The following RLBP1 variants were observed in gnomAD, a reference collection of about 807,000 sequenced individuals.
RLBP1 encodes the protein retinaldehyde-binding protein 1.
In RLBP1, 26 loss-of-function variants were observed where a neutral mutation model predicts 36.2. The observed-to-expected ratio is 0.72, with a 90% CI of 0.53 to 1.00. The LOEUF is 1.00. RLBP1 is among the 50% of genes least tolerant of loss of function. The pLI, the probability that RLBP1 is intolerant of heterozygous loss-of-function variation, is 0.00. For missense variants in RLBP1, 410 were observed against 402.4 expected, an observed-to-expected ratio of 1.02 and a Z score of -0.16; for synonymous variants, 155 against 156.2, an observed-to-expected ratio of 0.99 and a Z score of 0.06.
At chr15:89,212,320 G>C (rs780623514) in intron 6 of RLBP1, among the ~76,000 whole-genome samples, 1 of 152,092 alleles carries the variant, frequency 6.6e-6, no homozygotes, top group Non-Finnish European at 1.5e-5. Flanking sequence ...GGTGGCTCAC[G>C]CCTATAATCC....
chr15:89,214,957 A>T lies in RLBP1; in HGVS notation c.525+103T>A. On this transcript the variant is annotated intron_variant, in intron 6 of 8. Transcript: ENST00000268125. The surrounding 1 kb of genome is among the most constrained non-coding windows in gnomAD (Gnocchi z 4.6). ...TGGCTGCCCACCTTTCCCCCTCTAC[A>T]GACCTTGCCTCCTGGAGAACCAGGA... is the stretch of plus-strand genomic sequence containing the variant. The T allele has an allele frequency of 1.6e-6, 2 of 1,261,958 alleles. No homozygotes were observed. The highest frequency in any genetic ancestry group is 3.4e-5 in the Admixed American group (2 of 58,790). 78.2% of individuals were successfully genotyped at this position (1,261,958 alleles called of 1,614,324 possible). A position where few individuals can be genotyped will look rare whatever the true frequency, so the allele number is the denominator to read the frequency against.
At position 89,210,858 on chromosome 15, in the gene RLBP1, G is replaced by A; in HGVS notation, c.685-49C>T. On this transcript the variant is annotated intron_variant, in intron 7 of 8. Coordinates refer to ENST00000268125, the MANE Select transcript of RLBP1 (RefSeq NM_000326.5). This position sits in a 1 kb window ranked among gnomAD's most constrained non-coding sequence, Gnocchi z 4.7. ...GTTCCCCATGGCCCCAGTGACCTCA[G>A]AGGCTCCCACTCATTCCCTGCTGCC... The A allele has an allele frequency of 7.7e-7, 1 of 1,293,728 alleles. No individual in the cohort carries two copies. The highest frequency in any genetic ancestry group is 1.1e-6 in the Non-Finnish European group (1 of 914,728). 80.1% of individuals were successfully genotyped at this position (1,293,728 alleles called of 1,614,324 possible).
rs2051565393 is a variant in RLBP1 at position 89,214,745 on chromosome 15, C to T, written c.525+315G>A. ...TCTCTCTGTTGCTCTCAGCATTTAG[C>T]ATGTGGCAGGGCAGCCCCCAGCTCA... On this transcript the variant is annotated intron_variant, in intron 6 of 8. Coordinates refer to ENST00000268125, the MANE Select transcript of RLBP1 (RefSeq NM_000326.5). The surrounding 1 kb of genome is among the most constrained non-coding windows in gnomAD (Gnocchi z 4.6). 1.3e-5 allele frequency among the ~76,000 whole-genome samples: 2 copies of T among 152,260 alleles called. No homozygotes were observed. The highest frequency in any genetic ancestry group is 4.8e-5 in the African/African-American group (2 of 41,470).
Position 89,210,312 on chromosome 15 carries a change from C to T in RLBP1, c.927G>A (p.Gln309=), listed in dbSNP as rs745834229. Reference sequence around the variant, plus strand: ...AGAAGGCTGTGTTCTCAGCTTGGGCCTGGGGGCCAAAGAGCTGCTCAGCAA... The same window carrying T: ...AGAAGGCTGTGTTCTCAGCTTGGGCTTGGGGGCCAAAGAGCTGCTCAGCAA... ...KAVAEQLFGP[Q]AQAENTAF The change falls in exon 9 of 9, where the codon CAG becomes CAA. Residue 309 remains glutamine (Q), a synonymous_variant. Coordinates refer to ENST00000268125, the MANE Select transcript of RLBP1 (RefSeq NM_000326.5). The surrounding 1 kb of genome is among the most constrained non-coding windows in gnomAD (Gnocchi z 4.7). 1 of 1,614,246 alleles carries T rather than the reference C, an allele frequency of 6.2e-7. No homozygotes were observed. The highest frequency in any genetic ancestry group is 1.1e-5 in the South Asian group (1 of 91,090).
intron 5 of RLBP1, 52 bp downstream of exon 5, chr15:89,217,068 T>C: frequency 6.3e-7 from 1 of 1,585,552 alleles, no homozygotes; most frequent in East Asian, 2.2e-5. Context: ...GCGGATAGCA[T>C]CCTCATGGCC....
chr15:89,213,540 C>T (rs1027529324), intron 6 of RLBP1, among the ~76,000 whole-genome samples: 3 of 151,992 alleles, frequency 2.0e-5, no homozygotes, highest in Non-Finnish European at 1.5e-5. Context: ...AAAATTAATA[C>T]CTAAGACAAA....
At position 89,218,963 on chromosome 15, in the gene RLBP1, C is replaced by A. The variant is rs1414341264; in HGVS notation, c.12+1G>T. On this transcript the variant is annotated splice_donor_variant, in intron 3 of 8. Transcript: ENST00000268125. LOFTEE classifies it high-confidence loss of function. This position sits in a 1 kb window ranked among gnomAD's most constrained non-coding sequence, Gnocchi z 4.6. ...AGAGCCCTGGAGGACAGGGTACTTACCCCTTCTGACATGTTGCCTATGGAA... is the reference window on the plus strand; with the variant it reads ...AGAGCCCTGGAGGACAGGGTACTTAACCCTTCTGACATGTTGCCTATGGAA... 1.2e-6 allele frequency: 2 copies of A among 1,614,026 alleles called. No individual in the cohort carries two copies. The highest frequency in any genetic ancestry group is 1.7e-6 in the Non-Finnish European group (2 of 1,179,950).
Position 89,210,406 on chromosome 15 carries a change from T to C in RLBP1, c.833A>G (p.Gln278Arg). 1.2e-6 allele frequency: 2 copies of C among 1,614,224 alleles called. No individual in the cohort carries two copies. The highest frequency in any genetic ancestry group is 1.3e-5 in the African/African-American group (1 of 75,052). ...GGGCAGGATGTTCTCATCGATCTCC[T>C]GGTAGAAACCAGAAAGGTCATCCCC... ...VHGDDLSGFY[Q>R]EIDENILPSD... is the part of the protein sequence containing the mutation. The change falls in exon 9 of 9, where the codon CAG (glutamine) becomes CGG (arginine). Residue 278 changes from glutamine to arginine, a missense_variant. Gln to Arg is a conservative substitution (Grantham distance 43, BLOSUM62 1). Coordinates refer to ENST00000268125, the MANE Select transcript of RLBP1 (RefSeq NM_000326.5). This position sits in a 1 kb window ranked among gnomAD's most constrained non-coding sequence, Gnocchi z 4.7.
Position 89,209,991 on chromosome 15 carries a change from G to A in RLBP1, c.*294C>T, listed in dbSNP as rs553893688. ...AAACTCTGTTACAAAGGAAATGACTGAGAAAATGAATTCGAGTCTTTGAAA... is the reference window on the plus strand; with the variant it reads ...AAACTCTGTTACAAAGGAAATGACTAAGAAAATGAATTCGAGTCTTTGAAA... On this transcript the variant is annotated 3_prime_UTR_variant, in exon 9 of 9. Coordinates refer to ENST00000268125, the MANE Select transcript of RLBP1 (RefSeq NM_000326.5). 1.3e-5 allele frequency: 6 copies of A among 461,122 alleles called. No individual in the cohort carries two copies. The highest frequency in any genetic ancestry group is 2.4e-5 in the Non-Finnish European group (6 of 251,752). 28.6% of individuals were successfully genotyped at this position (461,122 alleles called of 1,614,324 possible).
intron 2 of RLBP1, 51 bp from the exon 3 acceptor site, chr15:89,219,126 C>G (rs1416278428): frequency 1.1e-6 from 1 of 896,978 alleles, no homozygotes; most frequent in Non-Finnish European, 1.8e-6. Context: ...CTGTGGATCT[C>G]AAACTTTCAA....
Position 89,215,151 on chromosome 15 carries a change from G to C in RLBP1, c.434C>G (p.Pro145Arg). 6.2e-7 allele frequency: 1 copy of C among 1,614,154 alleles called. No individual in the cohort carries two copies. The highest frequency in any genetic ancestry group is 1.3e-5 in the African/African-American group (1 of 75,062). ...CTTGTCCCGACTAGAGAGGACACCA[G>C]GGTAGCCAGCTTCAATGGTGCAGCG... Reference protein sequence around the residue: ...AVRCTIEAGYPGVLSSRDKYG... With the variant: ...AVRCTIEAGYRGVLSSRDKYG... Residue 145 changes from proline (P) to arginine (R), a missense_variant, in exon 6 of 9, where the codon CCT (proline) becomes CGT (arginine). Transcript: ENST00000268125.
At position 89,218,494 on chromosome 15, in the gene RLBP1, A is replaced by C; in HGVS notation, c.141+71T>G. The C allele has an allele frequency of 2.5e-6, 4 of 1,603,978 alleles. No individual in the cohort carries two copies. The highest frequency in any genetic ancestry group is 1.3e-5 in the African/African-American group (1 of 74,864). The stretch of plus-strand genomic sequence containing the variant: ...CGAGGCTGGACCCTTTTCACAGGAG[A>C]GAGAATGCAGTCATGTTCCCCTCAT... On this transcript the variant is annotated intron_variant, in intron 4 of 8. Coordinates refer to ENST00000268125, the MANE Select transcript of RLBP1 (RefSeq NM_000326.5). The surrounding 1 kb of genome is among the most constrained non-coding windows in gnomAD (Gnocchi z 4.6).
chr15:89,217,462 C>T lies in RLBP1; in HGVS notation c.142-138G>A, dbSNP rs2051591970. On this transcript the variant is annotated intron_variant, in intron 4 of 8. Coordinates refer to ENST00000268125, the MANE Select transcript of RLBP1 (RefSeq NM_000326.5). ...TGCAGCCGCAGCTTTGCTTTTCTGCCCCAGGGGCAGCATCTGCACTGGCAA... is the reference window on the plus strand; with the variant it reads ...TGCAGCCGCAGCTTTGCTTTTCTGCTCCAGGGGCAGCATCTGCACTGGCAA... 4 of 807,118 alleles carry T rather than the reference C, an allele frequency of 5.0e-6. No homozygotes were observed. In the South Asian group the frequency reaches 5.7e-5, roughly 12 times the overall value. The allele number at this position is 807,118 out of a possible 1,614,324, so 50.0% of individuals were successfully genotyped here.
rs1662544818 is a variant in RLBP1, at chr15:89,210,565, C to T, written c.796-122G>A. The T allele has an allele frequency of 2.5e-5, 32 of 1,285,356 alleles. No individual in the cohort carries two copies. The highest frequency in any genetic ancestry group is 3.6e-5 in the Non-Finnish European group (32 of 896,468). 79.6% of individuals were successfully genotyped at this position (1,285,356 alleles called of 1,614,324 possible). ...GTGCAGTCTTTGCCTGGCGACACCT[C>T]TCTCCGCAGGTCTCCATGTTGGGTG... On this transcript the variant is annotated intron_variant, in intron 8 of 8. Coordinates refer to ENST00000268125, the MANE Select transcript of RLBP1 (RefSeq NM_000326.5). The surrounding 1 kb of genome is among the most constrained non-coding windows in gnomAD (Gnocchi z 4.7).
In RLBP1 at chr15:89,211,587, T is replaced by C. The variant is rs2051538364; in HGVS notation, c.684+156A>G. On this transcript the variant is annotated intron_variant, in intron 7 of 8. Coordinates refer to ENST00000268125, the MANE Select transcript of RLBP1 (RefSeq NM_000326.5). The surrounding 1 kb of genome is among the most constrained non-coding windows in gnomAD (Gnocchi z 5.8). ...ATACTTGGCAAACTGTCAATCACTA[T>C]GCAGGTGCTTATGGTTGGGACTGTG... Among the ~76,000 whole-genome samples, 1 of 152,228 alleles carries C rather than the reference T, an allele frequency of 6.6e-6. No individual in the cohort carries two copies. The highest frequency in any genetic ancestry group is 6.5e-5 in the Admixed American group (1 of 15,282).
Position 89,219,138 on chromosome 15 carries a change from TGCATCAGAATCACCCGAG to T in RLBP1, c.-100-81_-100-64del, listed in dbSNP as rs531305682. 1,035 of 808,290 alleles carry T rather than the reference TGCATCAGAATCACCCGAG, an allele frequency of 1.3e-3. 1 individual carries two copies. The highest frequency in any genetic ancestry group is 3.1e-3 in the Middle Eastern group (9 of 2,936). 50.1% of individuals were successfully genotyped at this position (808,290 alleles called of 1,614,324 possible). Reference sequence around the variant, plus strand: ...GAACTGTGGATCTCAAACTTTCAATTGCATCAGAATCACCCGAGGCATTTGTTAGAAACGCAGGTGCCT... The same window carrying T: ...GAACTGTGGATCTCAAACTTTCAATTGCATTTGTTAGAAACGCAGGTGCCT... On this transcript the variant is annotated intron_variant, in intron 2 of 8. Coordinates refer to ENST00000268125, the MANE Select transcript of RLBP1 (RefSeq NM_000326.5).
At position 89,211,734 on chromosome 15, in the gene RLBP1, A is replaced by G. The variant is rs1456843066; in HGVS notation, c.684+9T>C. On this transcript the variant is annotated intron_variant, in intron 7 of 8. Transcript: ENST00000268125. The surrounding 1 kb of genome is among the most constrained non-coding windows in gnomAD (Gnocchi z 5.8). The stretch of plus-strand genomic sequence containing the variant: ...GGAGGCTGCCGTGCGACAGAACTCT[A>G]AGCCTCACCTGGAGCATGTCCACCA... The G allele has an allele frequency of 1.2e-6, 2 of 1,613,314 alleles. No homozygotes were observed. The highest frequency in any genetic ancestry group is 1.7e-6 in the Non-Finnish European group (2 of 1,179,906).
rs376544016 is a variant in RLBP1, at chr15:89,219,046, C to T, written c.-71G>A. ...CTTTCTCTGTCCTGGCCTCTCCAGC[C>T]GGCCCCTTCCCTAGGATAGGAAGTC... On this transcript the variant is annotated 5_prime_UTR_variant, in exon 3 of 9. Coordinates refer to ENST00000268125, the MANE Select transcript of RLBP1 (RefSeq NM_000326.5). 2.9e-5 allele frequency: 46 copies of T among 1,598,122 alleles called. No homozygotes were observed. The highest frequency in any genetic ancestry group is 4.0e-5 in the African/African-American group (3 of 74,582).
chr15:89,221,099 C>A (rs1032447221), intron 1 of RLBP1, among the ~76,000 whole-genome samples: 8 of 151,462 alleles, frequency 5.3e-5, no homozygotes, highest in Non-Finnish European at 2.9e-5. Context: ...CCTCTGCCTC[C>A]CAGGTTCAAG....
Sources: gnomAD v4.1 joint callset for allele counts (sites outside exome capture counted in the v4.1 genomes callset) on GRCh38, gnomAD v4.1.1 for gene constraint, Gnocchi (gnomAD v3.1) non-coding constraint, MANE v1.5 for transcripts, NCBI Gene and HGNC (gene_info 2026-07-23, HGNC 2026-07-21) for gene names.